Variants in RAPGEF2 observed in about 807,000 individuals in gnomAD.
The protein encoded by RAPGEF2 is Rap guanine nucleotide exchange factor 2, also known as PDZ domain containing guanine nucleotide exchange factor (GEF) 1.
In RAPGEF2, 54 loss-of-function variants were observed where a neutral mutation model predicts 186.7. That is an observed-to-expected ratio of 0.29 (90% CI 0.23 to 0.36). RAPGEF2 has a LOEUF of 0.36. Ranked by LOEUF, RAPGEF2 falls within the 10% of genes least tolerant of loss-of-function variation. The pLI is 1.00. For missense variants in RAPGEF2, 1,532 were observed against 2,045.0 expected, an observed-to-expected ratio of 0.75 and a Z score of 4.84; for synonymous variants, 712 against 705.9, an observed-to-expected ratio of 1.01 and a Z score of -0.14.
chr4:159,233,353 A>G lies in RAPGEF2; in HGVS notation c.282-5456A>G, dbSNP rs543312708. ...GTGTATCTTGTGCGGTAGGGGTCCA[A>G]TTTCATTCTTTTTCATGTGAAATCC... On this transcript the variant is annotated intron_variant, in intron 4 of 29. Coordinates refer to ENST00000691494, the MANE Select transcript of RAPGEF2 (RefSeq NM_001394067.2). 1.8e-4 allele frequency among the ~76,000 whole-genome samples: 27 copies of G among 152,152 alleles called. No individual in the cohort carries two copies. In the East Asian group the frequency reaches 4.3e-3, roughly 24 times the overall value.
At chr4:159,110,572 C>T (rs1050622190) in intron 1 of RAPGEF2, among the ~76,000 whole-genome samples, 5 of 152,084 alleles carry the variant, frequency 3.3e-5, no homozygotes, top group Admixed American at 2.0e-4. Context: ...GAGCGAAACC[C>T]CATCTCAAAA....
At position 159,124,212 on chromosome 4, in the gene RAPGEF2, C is replaced by T. The variant is rs116809546; in HGVS notation, c.69+19981C>T. On this transcript the variant is annotated intron_variant, in intron 1 of 29. Coordinates refer to ENST00000691494, the MANE Select transcript of RAPGEF2 (RefSeq NM_001394067.2). ...CTTTCTCAATTGTCTGTTGGACTCTCGATGAGAACTTTCAACTGATTTCAG... is the reference window on the plus strand; with the variant it reads ...CTTTCTCAATTGTCTGTTGGACTCTTGATGAGAACTTTCAACTGATTTCAG... 2.3e-3 allele frequency among the ~76,000 whole-genome samples: 348 copies of T among 151,812 alleles called. 3 individuals carry two copies. The highest frequency in any genetic ancestry group is 7.9e-3 in the African/African-American group (326 of 41,370).
intron 2 of RAPGEF2, among the ~76,000 whole-genome samples, chr4:159,192,801 G>A (rs1285689438): frequency 1.3e-5 from 2 of 152,096 alleles, no homozygotes; most frequent in Admixed American, 6.6e-5. Flanking sequence ...TTGTTGAGCC[G>A]TGAATGAGTG....
At chr4:159,156,967 A>G (rs1240724227) in intron 1 of RAPGEF2, among the ~76,000 whole-genome samples, 1 of 152,190 alleles carries the variant, frequency 6.6e-6, no homozygotes, top group Non-Finnish European at 1.5e-5. Flanking sequence ...GTATCTACCC[A>G]ATTTACAGCT....
intron 1 of RAPGEF2, among the ~76,000 whole-genome samples, chr4:159,176,978 A>G (rs1214331529): frequency 3.9e-5 from 6 of 152,310 alleles, no homozygotes; most frequent in East Asian, 3.9e-4. Flanking sequence ...TTCCTAGCCA[A>G]TCTTTCTTGG....
In RAPGEF2 at chr4:159,358,225, A is replaced by G; in HGVS notation, c.*86A>G. The G allele has an allele frequency of 7.2e-7, 1 of 1,398,292 alleles. No individual in the cohort carries two copies. Among genetic ancestry groups the G allele is most frequent in the Admixed American group, 2.0e-5 (1 of 49,882 alleles). The allele number at this position is 1,398,292 out of a possible 1,614,324, so 86.6% of individuals were successfully genotyped here. ...TGAGCATTGGAGCCTTGGAACTCAC[A>G]TTCTGAGGACGGTGGACCAGTTTGC... On this transcript the variant is annotated 3_prime_UTR_variant, in exon 30 of 30. Coordinates refer to ENST00000691494, the MANE Select transcript of RAPGEF2 (RefSeq NM_001394067.2).
chr4:159,159,332 C>T (rs1353142803), intron 1 of RAPGEF2, among the ~76,000 whole-genome samples: 1 of 152,186 alleles, frequency 6.6e-6, no homozygotes, highest in Non-Finnish European at 1.5e-5. Flanking sequence ...AAATGTGTTG[C>T]TTCAATCTGT....
chr4:159,113,749 A>G (rs2111070899), intron 1 of RAPGEF2, among the ~76,000 whole-genome samples: 2 of 151,594 alleles, frequency 1.3e-5, no homozygotes, highest in South Asian at 4.2e-4. Context: ...TCAAAAAAAA[A>G]AAAAAAAAAA....
At chr4:159,344,725 A>C (rs921753211) in intron 23 of RAPGEF2, among the ~76,000 whole-genome samples, 1 of 152,210 alleles carries the variant, frequency 6.6e-6, no homozygotes, top group African/African-American at 2.4e-5. Context: ...TATGTATAAT[A>C]TCCTCTTTAG....
intron 8 of RAPGEF2, among the ~76,000 whole-genome samples, chr4:159,313,362 ATTAT>A (rs1425536457): frequency 6.6e-6 from 1 of 152,172 alleles, no homozygotes; most frequent in Admixed American, 6.5e-5. Context: ...CCTTGGAAAA[ATTAT>A]TTCTCTTCAC....
intron 7 of RAPGEF2, among the ~76,000 whole-genome samples, chr4:159,291,628 T>G (rs2110960225): frequency 6.6e-6 from 1 of 152,318 alleles, no homozygotes; most frequent in East Asian, 1.9e-4. Flanking sequence ...TTACTGTACC[T>G]TAGGCAGTAT....
intron 1 of RAPGEF2, among the ~76,000 whole-genome samples, chr4:159,125,574 C>T (rs1024542616): frequency 4.6e-5 from 7 of 151,824 alleles, no homozygotes; most frequent in Admixed American, 2.0e-4. Context: ...CTGGCTAACA[C>T]GGTGAAACCC....
At chr4:159,220,899 G>A (rs539568765) in intron 4 of RAPGEF2, among the ~76,000 whole-genome samples, 1 of 152,138 alleles carries the variant, frequency 6.6e-6, no homozygotes, top group Non-Finnish European at 1.5e-5. Flanking sequence ...ACAATATTAT[G>A]ATAACATATT....
intron 7 of RAPGEF2, among the ~76,000 whole-genome samples, chr4:159,275,491 G>A (rs898854480): frequency 6.6e-6 from 1 of 151,878 alleles, no homozygotes; most frequent in African/African-American, 2.4e-5. Context: ...CGATACATCT[G>A]TATACATGTA....
intron 1 of RAPGEF2, among the ~76,000 whole-genome samples, chr4:159,154,477 T>C (rs918149510): frequency 8.6e-5 from 13 of 151,620 alleles, no homozygotes; most frequent in African/African-American, 2.9e-4. Context: ...CACATTCTTA[T>C]GTTTTTCTCT....
intron 1 of RAPGEF2, among the ~76,000 whole-genome samples, chr4:159,160,810 A>C (rs1178434151): frequency 1.3e-5 from 2 of 152,136 alleles, no homozygotes; most frequent in African/African-American, 2.4e-5. Flanking sequence ...TCCACAATGA[A>C]ATTTTTTGAG....
intron 7 of RAPGEF2, among the ~76,000 whole-genome samples, chr4:159,298,398 A>G (rs1219076280): frequency 1.3e-5 from 2 of 152,206 alleles, no homozygotes; most frequent in Admixed American, 1.3e-4. Context: ...GTGGTGAATA[A>G]TATTTAAAAG....
intron 1 of RAPGEF2, among the ~76,000 whole-genome samples, chr4:159,137,380 G>T: frequency 6.6e-6 from 1 of 152,132 alleles, no homozygotes; most frequent in East Asian, 1.9e-4. Context: ...AGCAGAGGGA[G>T]AGGGAGAGCA....
At position 159,353,450 on chromosome 4, in the gene RAPGEF2, G is replaced by GTTT; in HGVS notation, c.4092-29_4092-27dup. 8.0e-7 allele frequency: 1 copy of GTTT among 1,257,634 alleles called. No individual in the cohort carries two copies. Among genetic ancestry groups the GTTT allele is most frequent in the Non-Finnish European group, 1.0e-6 (1 of 952,460 alleles). The allele number at this position is 1,257,634 out of a possible 1,614,324, so 77.9% of individuals were successfully genotyped here. ...CATAGGTGAATTAGTTATCAATCTT[G>GTTT]TTTTTTTTTTCTTTTCCATTTCTTT... On this transcript the variant is annotated intron_variant, in intron 27 of 29. Coordinates refer to ENST00000691494, the MANE Select transcript of RAPGEF2 (RefSeq NM_001394067.2). The surrounding 1 kb of genome is among the most constrained non-coding windows in gnomAD (Gnocchi z 4.3).
Sources: gnomAD v4.1 joint callset for allele counts (sites outside exome capture counted in the v4.1 genomes callset) on GRCh38, gnomAD v4.1.1 for gene constraint, Gnocchi (gnomAD v3.1) non-coding constraint, MANE v1.5 for transcripts, NCBI Gene and HGNC (gene_info 2026-07-23, HGNC 2026-07-21) for gene names.